The following FAM3B variants were observed in gnomAD, a reference collection of about 807,000 sequenced individuals.
FAM3B encodes the protein FAM3 metabolism regulating signaling molecule B, also known as protein FAM3B.
FAM3B carries 29 observed loss-of-function variants against 28.4 expected under a neutral mutation model. That is an observed-to-expected ratio of 1.02 (90% confidence interval 0.76 to 1.39). The LOEUF (loss-of-function observed/expected upper bound fraction) is 1.39. Among genes scored for constraint, FAM3B ranks in the 40% most tolerant of loss-of-function variants. The pLI is 0.00. For synonymous variants in FAM3B, 91 were observed against 103.0 expected (o/e 0.88, Z 0.71); for missense variants, 266 against 293.9 (o/e 0.91, Z 0.69).
intron 2 of FAM3B, among the ~76,000 whole-genome samples, chr21:41,324,292 G>A (rs1159619447): frequency 4.6e-5 from 7 of 152,222 alleles, no homozygotes. Flanking sequence ...AAAACTCCAT[G>A]TTAGAGCATC....
At chr21:41,349,332 C>T (rs948571640) in intron 7 of FAM3B, among the ~76,000 whole-genome samples, 3 of 152,202 alleles carry the variant, frequency 2.0e-5, no homozygotes, top group Non-Finnish European at 4.4e-5. Flanking sequence ...CGATGACAAT[C>T]ACAACATCCT....
chr21:41,310,236 C>T (rs2088701945), intron 1 of FAM3B, among the ~76,000 whole-genome samples: 1 of 152,082 alleles, frequency 6.6e-6, no homozygotes, highest in East Asian at 1.9e-4. Flanking sequence ...ATGAGCCTCA[C>T]CCCACCCCGG....
intron 2 of FAM3B, among the ~76,000 whole-genome samples, chr21:41,337,821 T>A (rs2088968842): frequency 6.6e-6 from 1 of 151,846 alleles, no homozygotes; most frequent in African/African-American, 2.4e-5. Flanking sequence ...TGTGTGTGTG[T>A]GATACATCAT....
intron 3 of FAM3B, among the ~76,000 whole-genome samples, chr21:41,342,195 C>T (rs1480319297): frequency 6.6e-6 from 1 of 152,110 alleles, no homozygotes; most frequent in Non-Finnish European, 1.5e-5. Context: ...CTATATTTTC[C>T]TTTTGAGAAG....
Position 41,345,683 on chromosome 21 carries a change from C to A in FAM3B, c.347-3C>A. The A allele has an allele frequency of 6.5e-7, 1 of 1,533,200 alleles. No homozygotes were observed. Among genetic ancestry groups the A allele is most frequent in the South Asian group, 1.3e-5 (1 of 79,480 alleles). The allele number at this position is 1,533,200 out of a possible 1,614,324, so 95.0% of individuals were successfully genotyped here. On this transcript the variant is annotated splice_region_variant and splice_polypyrimidine_tract_variant and intron_variant, in intron 4 of 7. Coordinates refer to ENST00000357985, the MANE Select transcript of FAM3B (RefSeq NM_058186.4). ...TTTAAAATACCATTTCTTTTATTTT[C>A]AGATGTAACTGGGAATGTGACAGCA... is the stretch of plus-strand genomic sequence containing the variant.
intron 4 of FAM3B, 109 bp downstream of exon 4, chr21:41,344,643 A>G: frequency 1.3e-6 from 1 of 748,014 alleles, no homozygotes; most frequent in East Asian, 2.7e-5. Flanking sequence ...CTAGGTTTGT[A>G]TTTTAATGCA....
At chr21:41,338,336 C>T in intron 2 of FAM3B, 42 bp from the exon 3 acceptor site, 13 of 1,609,340 alleles carry the variant, frequency 8.1e-6, no homozygotes, top group Non-Finnish European at 1.1e-5. Context: ...CTGTAAATTA[C>T]TGTGGGATGT....
upstream of FAM3B, among the ~76,000 whole-genome samples, chr21:41,316,345 G>C (rs1014865459): frequency 6.6e-6 from 1 of 152,236 alleles, no homozygotes; most frequent in African/African-American, 2.4e-5. Flanking sequence ...GGCTGGGCTG[G>C]GCTGGCAACA....
intron 1 of FAM3B, 137 bp downstream of exon 1, chr21:41,317,035 T>G (rs1601347350): frequency 1.3e-6 from 1 of 778,310 alleles, no homozygotes; most frequent in African/African-American, 1.8e-5. Context: ...CCGAGGCTGG[T>G]CTTAGACCTG....
intron 1 of FAM3B, chr21:41,320,179 G>C (rs1040768301): frequency 6.6e-6 from 1 of 152,130 alleles, no homozygotes; most frequent in African/African-American, 2.4e-5. Context: ...TGCAATCGTA[G>C]CTCACTGCAA....
chr21:41,338,138 C>T (rs77184937), intron 2 of FAM3B, among the ~76,000 whole-genome samples: 6,039 of 151,908 alleles, frequency 0.04, 141 homozygotes, highest in Middle Eastern at 0.068. Context: ...GAAATTGTTA[C>T]GCCTACTCAG....
chr21:41,338,391 A>T lies in FAM3B; in HGVS notation c.177A>T (p.Lys59Asn). The T allele has an allele frequency of 6.2e-7, 1 of 1,614,156 alleles. No individual in the cohort carries two copies. ...ERPVLKAPVP[K>N]RQKCDHWTPC... ...TATTCATTACAGCTCCAGTCCCCAA[A>T]AGGCAAAAATGTGACCACTGGACTC... is the stretch of plus-strand genomic sequence containing the variant. Residue 59 changes from lysine to asparagine, a missense_variant, in exon 3 of 8, where the codon AAA becomes AAT. By Grantham distance (94) the Lys-to-Asn change is moderately conservative. Coordinates refer to ENST00000357985, the MANE Select transcript of FAM3B (RefSeq NM_058186.4).
intron 2 of FAM3B, among the ~76,000 whole-genome samples, chr21:41,333,311 A>G (rs1195753634): frequency 6.6e-6 from 1 of 152,168 alleles, no homozygotes; most frequent in Non-Finnish European, 1.5e-5. Flanking sequence ...TGTAATCCTC[A>G]ATGCTGGAGA....
chr21:41,333,803 G>C (rs1312047916), intron 2 of FAM3B, among the ~76,000 whole-genome samples: 3 of 152,182 alleles, frequency 2.0e-5, no homozygotes, highest in Non-Finnish European at 4.4e-5. Flanking sequence ...AAGAAGATGA[G>C]GGAAAGTTTG....
At chr21:41,325,120 C>G (rs958579850) in intron 2 of FAM3B, among the ~76,000 whole-genome samples, 1 of 151,948 alleles carries the variant, frequency 6.6e-6, no homozygotes, top group African/African-American at 2.4e-5. Flanking sequence ...AAAAAGAAAA[C>G]AAAACAAAAA....
chr21:41,349,407 G>A (rs921911416), intron 7 of FAM3B, among the ~76,000 whole-genome samples: 40 of 152,256 alleles, frequency 2.6e-4, no homozygotes, highest in African/African-American at 5.5e-4. Context: ...TGCAGTAACC[G>A]GTGCAGAAGA....
intron 1 of FAM3B, among the ~76,000 whole-genome samples, chr21:41,307,445 C>G (rs1374987527): frequency 6.6e-6 from 1 of 152,224 alleles, no homozygotes; most frequent in Non-Finnish European, 1.5e-5. Flanking sequence ...TGGGGTGGCA[C>G]TTATCATATC....
intron 5 of FAM3B, among the ~76,000 whole-genome samples, chr21:41,346,674 G>C (rs1272817534): frequency 3.3e-5 from 5 of 152,050 alleles, no homozygotes; most frequent in African/African-American, 1.2e-4. Flanking sequence ...TTTCTAAGGA[G>C]GGTTTTTTTT....
chr21:41,331,939 A>G (rs1471760134), intron 2 of FAM3B, among the ~76,000 whole-genome samples: 1 of 152,218 alleles, frequency 6.6e-6, no homozygotes, highest in Non-Finnish European at 1.5e-5. Context: ...CTGTCCTTGC[A>G]AGGACAGATC....
Sources: allele counts gnomAD v4.1 joint callset (sites outside exome capture counted in the v4.1 genomes callset), GRCh38; gene constraint gnomAD v4.1.1; transcripts MANE v1.5; gene names NCBI Gene and HGNC (gene_info 2026-07-23, HGNC 2026-07-21).